The following HEMK2 variants were observed in gnomAD, a reference collection of about 807,000 sequenced individuals.
HEMK2 encodes methyltransferase HEMK2.
the HEMK2 span, among the ~76,000 whole-genome samples, chr21:28,730,395 C>CAGACAG: frequency 1.4e-5 from 2 of 142,832 alleles, no homozygotes; most frequent in African/African-American, 2.7e-5. Flanking sequence ...CACACACACA[C>CAGACAG]ACACACACAC....
the HEMK2 span, among the ~76,000 whole-genome samples, chr21:28,616,991 C>A: frequency 6.6e-6 from 1 of 152,174 alleles, no homozygotes. Context: ...TATGATAGAG[C>A]TTAGGCTCCA....
chr21:28,760,744 G>C, the HEMK2 span, among the ~76,000 whole-genome samples: 1 of 151,940 alleles, frequency 6.6e-6, no homozygotes, highest in East Asian at 1.9e-4. Context: ...TTTTGACATG[G>C]GTAATTTGTG....
the HEMK2 span, among the ~76,000 whole-genome samples, chr21:28,745,372 C>T: frequency 6.6e-6 from 1 of 152,310 alleles, no homozygotes; most frequent in African/African-American, 2.4e-5. Flanking sequence ...ATGATAGAAT[C>T]GGCTTGTTAT....
chr21:28,836,797 A>G, the HEMK2 span, among the ~76,000 whole-genome samples: 5 of 146,526 alleles, frequency 3.4e-5, no homozygotes, highest in African/African-American at 7.9e-5. Context: ...ACATAAACTT[A>G]AAGTAAAGCG....
At chr21:28,697,086 T>A in the HEMK2 span, among the ~76,000 whole-genome samples, 2 of 152,186 alleles carry the variant, frequency 1.3e-5, no homozygotes, top group Non-Finnish European at 2.9e-5. Flanking sequence ...CCTGGAGACA[T>A]TTTCCCTGTT....
At chr21:28,803,369 G>T in the HEMK2 span, among the ~76,000 whole-genome samples, 1 of 152,100 alleles carries the variant, frequency 6.6e-6, no homozygotes, top group South Asian at 2.1e-4. Context: ...CTTAAGAAAT[G>T]GCCTTTGTAT....
At chr21:28,807,450 A>C in the HEMK2 span, among the ~76,000 whole-genome samples, 1 of 152,186 alleles carries the variant, frequency 6.6e-6, no homozygotes, top group African/African-American at 2.4e-5. Context: ...TTGCCCTCAG[A>C]ATCAACATCC....
the HEMK2 span, among the ~76,000 whole-genome samples, chr21:28,647,635 G>A: frequency 6.6e-6 from 1 of 152,072 alleles, no homozygotes; most frequent in African/African-American, 2.4e-5. Context: ...GGGAACAAAG[G>A]CTGGAACCAC....
the HEMK2 span, among the ~76,000 whole-genome samples, chr21:28,683,629 A>G: frequency 6.6e-6 from 1 of 152,242 alleles, no homozygotes; most frequent in African/African-American, 2.4e-5. Context: ...TCATGGAATC[A>G]CATTTGTAAA....
chr21:28,824,026 T>A, the HEMK2 span, among the ~76,000 whole-genome samples: 1 of 152,194 alleles, frequency 6.6e-6, no homozygotes, highest in Non-Finnish European at 1.5e-5. Flanking sequence ...TATAAGCTTC[T>A]CCCAAATGAT....
At chr21:28,726,767 G>A in the HEMK2 span, among the ~76,000 whole-genome samples, 1 of 151,870 alleles carries the variant, frequency 6.6e-6, no homozygotes, top group East Asian at 1.9e-4. Context: ...AATTAGCCGG[G>A]AGTGGTGGTG....
the HEMK2 span, among the ~76,000 whole-genome samples, chr21:28,605,543 C>T: frequency 0.018 from 2,704 of 152,224 alleles, 106 homozygotes; most frequent in African/African-American, 0.063. Context: ...GTCAGTTTTT[C>T]AGCTCTTTAA....
chr21:28,606,818 A>G, the HEMK2 span, among the ~76,000 whole-genome samples: 1 of 152,180 alleles, frequency 6.6e-6, no homozygotes, highest in African/African-American at 2.4e-5. Context: ...TAAAATTGTT[A>G]TAATTATGTT....
the HEMK2 span, among the ~76,000 whole-genome samples, chr21:28,598,293 C>A: frequency 6.6e-6 from 1 of 152,210 alleles, no homozygotes; most frequent in Non-Finnish European, 1.5e-5. Context: ...ACAATATGAT[C>A]TACCGTGAAT....
chr21:28,589,363 T>C, the HEMK2 span, among the ~76,000 whole-genome samples: 4 of 152,150 alleles, frequency 2.6e-5, no homozygotes, highest in African/African-American at 9.7e-5. Context: ...TACAAAATCA[T>C]ATAACTATAT....
chr21:28,855,222 A>G, the HEMK2 span, among the ~76,000 whole-genome samples: 1 of 152,222 alleles, frequency 6.6e-6, no homozygotes, highest in South Asian at 2.1e-4. Context: ...CTAATTTCAG[A>G]CAAAACAGTC....
chr21:28,652,640 T>C, the HEMK2 span, among the ~76,000 whole-genome samples: 1 of 152,162 alleles, frequency 6.6e-6, no homozygotes, highest in Non-Finnish European at 1.5e-5. Context: ...CTATTGTTCA[T>C]TCCACCTGAA....
At chr21:28,806,600 G>C in the HEMK2 span, among the ~76,000 whole-genome samples, 2 of 152,166 alleles carry the variant, frequency 1.3e-5, no homozygotes, top group Non-Finnish European at 2.9e-5. Flanking sequence ...GTCCCACAGA[G>C]GCTGGACTGC....
the HEMK2 span, among the ~76,000 whole-genome samples, chr21:28,813,166 C>G: frequency 6.6e-6 from 1 of 152,190 alleles, no homozygotes; most frequent in African/African-American, 2.4e-5. Flanking sequence ...CAAATTGTCT[C>G]TCTTTGCAGA....
Sources: allele counts gnomAD v4.1 joint callset (sites outside exome capture counted in the v4.1 genomes callset), GRCh38; gene constraint gnomAD v4.1.1; transcripts MANE v1.5; gene names NCBI Gene and HGNC (gene_info 2026-07-23, HGNC 2026-07-21).